The following MICALL2 variants were observed in gnomAD, a reference collection of about 807,000 sequenced individuals.
The protein encoded by MICALL2 is MICAL like 2, also known as MICAL-like protein 2.
In MICALL2, 111 loss-of-function variants were observed where a neutral mutation model predicts 91.1. The ratio of observed to expected loss-of-function variants is 1.22; its 90% confidence interval spans 1.04 to 1.43. The LOEUF is 1.43. Ranked by LOEUF, MICALL2 falls within the 40% of genes most tolerant of loss-of-function variation. The pLI, the probability that MICALL2 is intolerant of heterozygous loss-of-function variation, is 0.00. For missense variants in MICALL2, 1,556 were observed against 1,236.0 expected, an observed-to-expected ratio of 1.26 and a Z score of -3.88; for synonymous variants, 694 against 525.3, an observed-to-expected ratio of 1.32 and a Z score of -4.39.
Position 1,442,351 on chromosome 7 carries a change from C to G in MICALL2, c.1552G>C (p.Ala518Pro). 6.2e-7 allele frequency: 1 copy of G among 1,612,530 alleles called. No individual in the cohort carries two copies. The highest frequency in any genetic ancestry group is 8.5e-7 in the Non-Finnish European group (1 of 1,179,428). The change falls in exon 7 of 17, where the codon GCC (alanine) becomes CCC (proline). Residue 518 changes from alanine (A) to proline (P), a missense_variant. Coordinates refer to ENST00000297508, the MANE Select transcript of MICALL2 (RefSeq NM_182924.4). ...LGLPSRMEPP[A>P]PLSTSSTSQA... is the part of the protein sequence containing the mutation. ...GAGGTACTGCTCGTGCTCAGCGGGG[C>G]TGGCGGTTCCATCCTCGAAGGGAGG... is the stretch of plus-strand genomic sequence containing the variant.
chr7:1,438,544 C>T lies in MICALL2; in HGVS notation c.2123-191G>A, dbSNP rs1780099420. The T allele has an allele frequency of 9.8e-6, 14 of 1,429,026 alleles. No individual in the cohort carries two copies. In the South Asian group the frequency reaches 2.1e-4, roughly 22 times the overall value. The allele number at this position is 1,429,026 out of a possible 1,614,324, so 88.5% of individuals were successfully genotyped here. On this transcript the variant is annotated intron_variant, in intron 10 of 16. Transcript: ENST00000297508. ...ACCTGAGTGGCCTCCAGGCCCAGCC[C>T]CACCCTGCACCCTGCCCTCCTCCAG...
rs1430466249 is a variant in MICALL2 at position 1,451,340 on chromosome 7, G to GGCT, written c.144-1055_144-1053dup. Among the ~76,000 whole-genome samples the GGCT allele has an allele frequency of 1.3e-5, 2 of 152,168 alleles. No individual in the cohort carries two copies. The highest frequency in any genetic ancestry group is 4.8e-5 in the African/African-American group (2 of 41,448). On this transcript the variant is annotated intron_variant, in intron 1 of 16. Coordinates refer to ENST00000297508, the MANE Select transcript of MICALL2 (RefSeq NM_182924.4). The surrounding 1 kb of genome is among the most constrained non-coding windows in gnomAD (Gnocchi z 4.5). ...CAAAAACCACCAGGCTCCCAGCACGGGCTGCGGCTTCTGGGAGGGAGGGTT... is the reference window on the plus strand; with the variant it reads ...CAAAAACCACCAGGCTCCCAGCACGGGCTGCTGCGGCTTCTGGGAGGGAGGGTT...
At position 1,438,939 on chromosome 7, in the gene MICALL2, C is replaced by T. The variant is rs142157538; in HGVS notation, c.2023G>A (p.Val675Ile). 1.4e-5 allele frequency: 22 copies of T among 1,606,296 alleles called. No homozygotes were observed. Among genetic ancestry groups the T allele is most frequent in the African/African-American group, 8.0e-5 (6 of 75,030 alleles). ...RRLAVPASLD[V>I]CDNWLRPEPP... Reference sequence around the variant, plus strand: ...TCCGGCCGAAGCCAGTTGTCACAAACGTCGAGGCTGGCAGGGACGGCCAGT... The same window carrying T: ...TCCGGCCGAAGCCAGTTGTCACAAATGTCGAGGCTGGCAGGGACGGCCAGT... The change falls in exon 10 of 17, where the codon GTT (valine) becomes ATT (isoleucine). Residue 675 changes from valine to isoleucine, a missense_variant. By Grantham distance (29) the Val-to-Ile change is conservative. Coordinates refer to ENST00000297508, the MANE Select transcript of MICALL2 (RefSeq NM_182924.4).
chr7:1,456,308 G>A (rs907297990), intron 1 of MICALL2, among the ~76,000 whole-genome samples: 31 of 152,186 alleles, frequency 2.0e-4, no homozygotes, highest in African/African-American at 7.0e-4. Context: ...CAGGCCAGAC[G>A]CAGTGGCTCG....
intron 14 of MICALL2, chr7:1,437,167 G>A (rs927634034): frequency 1.0e-5 from 5 of 484,098 alleles, no homozygotes; most frequent in African/African-American, 4.1e-5. Flanking sequence ...AGACGGCCTG[G>A]GCCTGTGCCC....
At chr7:1,458,817 A>C (rs1344355115) in intron 1 of MICALL2, among the ~76,000 whole-genome samples, 1 of 152,202 alleles carries the variant, frequency 6.6e-6, no homozygotes, top group Non-Finnish European at 1.5e-5. Flanking sequence ...AGGGCTATCC[A>C]GGGACCCCAT....
chr7:1,442,022 G>C, intron 7 of MICALL2, 170 bp downstream of exon 7: 1 of 765,672 alleles, frequency 1.3e-6, no homozygotes, highest in Middle Eastern at 3.9e-4. Context: ...CACAGAGAGC[G>C]CACCAGGACC....
Position 1,450,123 on chromosome 7 carries a change from A to T in MICALL2, c.192+117T>A, listed in dbSNP as rs1339548857. On this transcript the variant is annotated intron_variant, in intron 2 of 16. Transcript: ENST00000297508. The stretch of plus-strand genomic sequence containing the variant: ...GCTGGTCAGGGAGCCCCCGATTCCC[A>T]GGCAGGACTCCCAAGGCAGGTGCAG... The T allele has an allele frequency of 3.8e-6, 3 of 781,698 alleles. No individual in the cohort carries two copies. The African/African-American group carries it at 5.2e-5, about 13-fold the overall frequency. The allele number at this position is 781,698 out of a possible 1,614,324, so 48.4% of individuals were successfully genotyped here.
rs753015623 is a variant in MICALL2 at position 1,442,223 on chromosome 7, C to A, written c.1680G>T (p.Met560Ile). Residue 560 changes from methionine to isoleucine, a missense_variant, in exon 7 of 17, where the codon ATG becomes ATT. Physicochemically the swap from Met to Ile is conservative, Grantham distance 10 (BLOSUM62 1). Transcript: ENST00000297508. ...TTAAGGTGGTGCTTTTACCCTTTGC[C>A]ATCGGGGCCTCTGGCTTCGGCCTGG... ...AGSRPKPEAP[M>I]AKGKSTTLTQ... 1.9e-6 allele frequency: 3 copies of A among 1,612,798 alleles called. No homozygotes were observed. Among genetic ancestry groups the A allele is most frequent in the Middle Eastern group, 1.7e-4 (1 of 6,054 alleles).
intron 6 of MICALL2, 49 bp downstream of exon 6, chr7:1,444,603 C>T: frequency 1.9e-6 from 3 of 1,562,660 alleles, no homozygotes; most frequent in East Asian, 2.3e-5. Context: ...GCCCCGCTGG[C>T]TGGTGCAAAG....
intron 1 of MICALL2, among the ~76,000 whole-genome samples, chr7:1,456,307 C>T (rs931818334): frequency 2.0e-5 from 3 of 152,170 alleles, no homozygotes; most frequent in African/African-American, 7.2e-5. Context: ...ACAGGCCAGA[C>T]GCAGTGGCTC....
At chr7:1,447,983 G>A in intron 3 of MICALL2, 1 of 379,272 alleles carries the variant, frequency 2.6e-6, no homozygotes, top group Non-Finnish European at 4.7e-6. Flanking sequence ...CTGGAGTCAG[G>A]GAAAAGGGAC....
chr7:1,441,815 A>C, intron 7 of MICALL2: 2 of 264,922 alleles, frequency 7.5e-6, no homozygotes, highest in Non-Finnish European at 1.4e-5. Flanking sequence ...ACAGGCAGGA[A>C]GCGCAAAACA....
At position 1,438,988 on chromosome 7, in the gene MICALL2, G is replaced by A. The variant is rs779352444; in HGVS notation, c.1974C>T (p.Ser658=). The A allele has an allele frequency of 1.3e-6, 2 of 1,593,558 alleles. No homozygotes were observed. Among genetic ancestry groups the A allele is most frequent in the East Asian group, 2.2e-5 (1 of 44,722 alleles). The change falls in exon 10 of 17, where the codon TCC becomes TCT. Residue 658 remains serine (S), a synonymous_variant. Transcript: ENST00000297508. The part of the protein sequence containing the change: ...ASPGPSLPAR[S]PSPPRRRRLA... Reference sequence around the variant, plus strand: ...GTCTCCTGCGGCGGGGTGGGGAGGGGGACCTGGCTGCCCCCAGGTGGGGAG... The same window carrying A: ...GTCTCCTGCGGCGGGGTGGGGAGGGAGACCTGGCTGCCCCCAGGTGGGGAG...
chr7:1,437,023 G>C (rs66491936), intron 14 of MICALL2, 167 bp from the exon 15 acceptor site: 37,877 of 529,182 alleles, frequency 0.072, 1,963 homozygotes, highest in Admixed American at 0.18. Flanking sequence ...ATGAAGGAAG[G>C]AACGGCCACG....
chr7:1,445,260 G>C lies in MICALL2; in HGVS notation c.810C>G (p.Ser270=). The C allele has an allele frequency of 6.2e-7, 1 of 1,612,466 alleles. No homozygotes were observed. Among genetic ancestry groups the C allele is most frequent in the Non-Finnish European group, 8.5e-7 (1 of 1,179,842 alleles). The part of the protein sequence containing the change: ...PGAMGVDSRT[S]CSPQKAQEAN... ...CCTCCTGGGCCTTCTGTGGGGAACAGGAGGTCCTGGAATCCACACCCATGG... is the reference window on the plus strand; with the variant it reads ...CCTCCTGGGCCTTCTGTGGGGAACACGAGGTCCTGGAATCCACACCCATGG... The change falls in exon 6 of 17, where the codon TCC becomes TCG. Residue 270 remains serine, a synonymous_variant. Transcript: ENST00000297508.
rs566576846 is a variant in MICALL2, at chr7:1,434,698, C to T, written c.2639-26G>A. 20 of 1,530,304 alleles carry T rather than the reference C, an allele frequency of 1.3e-5. No individual in the cohort carries two copies. The African/African-American group carries it at 1.4e-4, about 11-fold the overall frequency. 94.8% of individuals were successfully genotyped at this position (1,530,304 alleles called of 1,614,324 possible). ...CTAGGGGACAGGTGGACAGTGAGGCCGTGCTCAACGCCGCAGCCGCACAGC... is the reference window on the plus strand; with the variant it reads ...CTAGGGGACAGGTGGACAGTGAGGCTGTGCTCAACGCCGCAGCCGCACAGC... On this transcript the variant is annotated intron_variant, in intron 16 of 16. Transcript: ENST00000297508.
At chr7:1,443,586 G>C (rs1019728016) in intron 6 of MICALL2, among the ~76,000 whole-genome samples, 30 of 152,190 alleles carry the variant, frequency 2.0e-4, no homozygotes, top group African/African-American at 7.0e-4. Context: ...CGCTGGGTTA[G>C]GGTGGACCCT....
chr7:1,439,494 G>A (rs369295487), intron 9 of MICALL2: 27,432 of 155,244 alleles, frequency 0.18, 2,163 homozygotes, highest in Admixed American at 0.25. Flanking sequence ...CATGCATCAC[G>A]TGTGGGCACA....
Sources: allele counts gnomAD v4.1 joint callset (sites outside exome capture counted in the v4.1 genomes callset), GRCh38; gene constraint gnomAD v4.1.1; non-coding constraint Gnocchi (gnomAD v3.1); transcripts MANE v1.5; gene names NCBI Gene and HGNC (gene_info 2026-07-23, HGNC 2026-07-21).